The following CPXM2 variants were observed in gnomAD, a reference collection of about 807,000 sequenced individuals.
The protein encoded by CPXM2 is carboxypeptidase X, M14 family member 2, also known as inactive carboxypeptidase-like protein X2.
CPXM2 carries 66 observed loss-of-function variants against 86.1 expected under a neutral mutation model. That is an observed-to-expected ratio of 0.77 (90% CI 0.63 to 0.94). CPXM2 has a LOEUF of 0.94. CPXM2 is among the 40% of genes least tolerant of loss of function. The pLI, the probability that CPXM2 is intolerant of heterozygous loss-of-function variation, is 0.00. For synonymous variants in CPXM2, 388 were observed against 400.2 expected (o/e 0.97, Z 0.36); for missense variants, 948 against 1,026.3 (o/e 0.92, Z 1.04).
intron 4 of CPXM2, among the ~76,000 whole-genome samples, chr10:123,826,665 T>C (rs2134122622): frequency 6.6e-6 from 1 of 152,210 alleles, no homozygotes; most frequent in African/African-American, 2.4e-5. Flanking sequence ...CCTTCTTAAC[T>C]ATCAGAGGAA....
chr10:123,784,673 C>A (rs1163104672), intron 6 of CPXM2, among the ~76,000 whole-genome samples: 2 of 152,200 alleles, frequency 1.3e-5, no homozygotes, highest in African/African-American at 4.8e-5. Context: ...TTCTTGGGAG[C>A]CCTCTGGAGA....
At chr10:123,898,774 C>T (rs7478058) in intron 2 of CPXM2, among the ~76,000 whole-genome samples, 16,530 of 152,236 alleles carry the variant, frequency 0.11, 986 homozygotes, top group Middle Eastern at 0.19. Flanking sequence ...GATGGAGTTT[C>T]GCTCTTGTCG....
chr10:123,802,813 CTTGTT>C (rs1847489170), intron 4 of CPXM2, among the ~76,000 whole-genome samples: 1 of 152,130 alleles, frequency 6.6e-6, no homozygotes, highest in South Asian at 2.1e-4. Flanking sequence ...CTTATTGACA[CTTGTT>C]ATTATCTTCC....
At chr10:123,934,425 C>T (rs1945696532) in intron 2 of CPXM2, among the ~76,000 whole-genome samples, 1 of 151,572 alleles carries the variant, frequency 6.6e-6, no homozygotes, top group Non-Finnish European at 1.5e-5. Flanking sequence ...CAATCCCTGC[C>T]TCTGTTTTCA....
At chr10:123,767,243 T>A in intron 9 of CPXM2, 91 bp from the exon 10 acceptor site, 16 of 1,189,062 alleles carry the variant, frequency 1.3e-5, no homozygotes, top group Non-Finnish European at 1.9e-5. Context: ...CACTTCCCCT[T>A]GGGGAATGTC....
At chr10:123,924,327 G>A (rs1004522806) in intron 2 of CPXM2, among the ~76,000 whole-genome samples, 1 of 152,322 alleles carries the variant, frequency 6.6e-6, no homozygotes, top group East Asian at 1.9e-4. Flanking sequence ...TCTGTCTGAC[G>A]TAGCCACAAT....
In CPXM2 at chr10:123,830,870, C is replaced by CTGTGTGTGTGTGTGTG. The variant is rs1431527812; in HGVS notation, c.653+11478_653+11479insCACACACACACACACA. ...TGCACTCATCTCTCTCTCTCTCTCT[C>CTGTGTGTGTGTGTGTG]TCTGTGTGTGTGTGTGTGTGTGTGT... On this transcript the variant is annotated intron_variant, in intron 4 of 13. Coordinates refer to ENST00000241305, the MANE Select transcript of CPXM2 (RefSeq NM_198148.3). Among the ~76,000 whole-genome samples the CTGTGTGTGTGTGTGTG allele has an allele frequency of 4.6e-4, 47 of 102,674 alleles. No individual in the cohort carries two copies. In the East Asian group the frequency reaches 5.0e-3, roughly 11 times the overall value. The allele number at this position is 102,674 out of a possible 152,430, so 67.4% of individuals were successfully genotyped here. A position where few individuals can be genotyped will look rare whatever the true frequency, so the allele number is the denominator to read the frequency against.
rs28661325 is a variant in CPXM2 at position 123,865,283 on chromosome 10, G to A, written c.404-2560C>T. On this transcript the variant is annotated intron_variant, in intron 2 of 13. Transcript: ENST00000241305. This position sits in a 1 kb window ranked among gnomAD's most constrained non-coding sequence, Gnocchi z 4.7. The stretch of plus-strand genomic sequence containing the variant: ...GGTTTGGAAGCCTTCTCCATTGCCC[G>A]TGCCACTTACAAAGAAGCTAGAGAT... Among the ~76,000 whole-genome samples the A allele has an allele frequency of 0.57, 87,327 of 152,076 alleles. 26,497 individuals are homozygous for A. Among genetic ancestry groups the A allele is most frequent in the Non-Finnish European group, 0.64 (43,228 of 67,978 alleles).
rs1205052157 is a variant in CPXM2 at position 123,762,188 on chromosome 10, G to A, written c.1480-19C>T. The stretch of plus-strand genomic sequence containing the variant: ...CAGCCACCTGTGAACATCCCAAATG[G>A]ACGAGTAAAATAAGCAGGAAGTCAT... On this transcript the variant is annotated intron_variant, in intron 10 of 13. Transcript: ENST00000241305. The A allele has an allele frequency of 1.2e-6, 2 of 1,614,058 alleles. No homozygotes were observed. Among genetic ancestry groups the A allele is most frequent in the South Asian group, 1.1e-5 (1 of 91,074 alleles).
chr10:123,770,129 C>T (rs756338199), intron 8 of CPXM2, among the ~76,000 whole-genome samples: 18 of 152,170 alleles, frequency 1.2e-4, no homozygotes, highest in Non-Finnish European at 2.4e-4. Flanking sequence ...CAAAAATTAG[C>T]TGGGTATGGT....
chr10:123,897,676 T>C (rs1273603941), intron 2 of CPXM2, among the ~76,000 whole-genome samples: 1 of 152,208 alleles, frequency 6.6e-6, no homozygotes, highest in Non-Finnish European at 1.5e-5. Flanking sequence ...TCTTTAAATT[T>C]AGAAGTTCTG....
At chr10:123,894,718 GC>G (rs1313858150), upstream of CPXM2, among the ~76,000 whole-genome samples, 1 of 152,060 alleles carries the variant, frequency 6.6e-6, no homozygotes, top group Non-Finnish European at 1.5e-5. Flanking sequence ...GGTCATCTTG[GC>G]CCCATCTCTC....
intron 13 of CPXM2, chr10:123,751,093 TC>T (rs1294450103): frequency 1.0e-6 from 1 of 981,712 alleles, no homozygotes; most frequent in East Asian, 1.1e-4. Context: ...TCCCGCAGAC[TC>T]TGGCCAAGAG....
At chr10:123,761,470 T>C (rs542227620) in intron 11 of CPXM2, among the ~76,000 whole-genome samples, 23 of 152,296 alleles carry the variant, frequency 1.5e-4, no homozygotes, top group African/African-American at 5.5e-4. Context: ...CAGCATGCTC[T>C]CCACCCCTTC....
At chr10:123,788,049 GC>G (rs1847108928) in intron 6 of CPXM2, among the ~76,000 whole-genome samples, 1 of 151,960 alleles carries the variant, frequency 6.6e-6, no homozygotes, top group Admixed American at 6.5e-5. Flanking sequence ...GGAGGCTGAG[GC>G]GGGTGGATCA....
intron 11 of CPXM2, among the ~76,000 whole-genome samples, chr10:123,759,781 G>A (rs1191373284): frequency 1.3e-5 from 2 of 152,214 alleles, no homozygotes; most frequent in African/African-American, 4.8e-5. Flanking sequence ...CTTCACCGTG[G>A]AGGAGAAGGT....
At chr10:123,867,986 G>A (rs370099246) in intron 2 of CPXM2, among the ~76,000 whole-genome samples, 4 of 152,214 alleles carry the variant, frequency 2.6e-5, no homozygotes, top group African/African-American at 7.2e-5. Flanking sequence ...TGCGAGCCAC[G>A]TAAGAGAGAG....
chr10:123,875,247 G>A (rs943635938), intron 2 of CPXM2, among the ~76,000 whole-genome samples: 1 of 152,152 alleles, frequency 6.6e-6, no homozygotes, highest in Non-Finnish European at 1.5e-5. Flanking sequence ...TAACTTTTTA[G>A]GCATGTTTGA....
chr10:123,881,444 TATTG>T (rs1285102852), intron 1 of CPXM2, among the ~76,000 whole-genome samples: 2 of 150,994 alleles, frequency 1.3e-5, no homozygotes, highest in African/African-American at 4.9e-5. Context: ...GCACAAGGTG[TATTG>T]AGGGAGAGGG....
Sources: gnomAD v4.1 joint callset for allele counts (sites outside exome capture counted in the v4.1 genomes callset) on GRCh38, gnomAD v4.1.1 for gene constraint, Gnocchi (gnomAD v3.1) non-coding constraint, MANE v1.5 for transcripts, NCBI Gene and HGNC (gene_info 2026-07-23, HGNC 2026-07-21) for gene names.